Variants in PIAS3 observed in about 807,000 individuals in gnomAD.
PIAS3 encodes E3 SUMO-protein ligase PIAS3.
Under a neutral mutation model 67.6 loss-of-function variants are expected in PIAS3, and 34 were observed. That is an observed-to-expected ratio of 0.50 (90% CI 0.38 to 0.67). The LOEUF (loss-of-function observed/expected upper bound fraction) is 0.67, where lower values mean the gene tolerates loss of function less well. Ranked by LOEUF, PIAS3 falls within the 30% of genes least tolerant of loss-of-function variation. The pLI, the probability that PIAS3 is intolerant of heterozygous loss-of-function variation, is 0.00. For synonymous variants in PIAS3, 341 were observed against 313.8 expected (o/e 1.09, Z -0.92); for missense variants, 693 against 791.6 (o/e 0.88, Z 1.49).
At chr1:145,851,936 G>T (rs1185660468) in intron 9 of PIAS3, among the ~76,000 whole-genome samples, 2 of 150,656 alleles carry the variant, frequency 1.3e-5, no homozygotes, top group Non-Finnish European at 2.9e-5. Flanking sequence ...CTCCAGCCTG[G>T]GTGACAGAGT....
intron 13 of PIAS3, 182 bp downstream of exon 13, chr1:145,850,050 C>T: frequency 1.4e-6 from 2 of 1,454,088 alleles, no homozygotes; most frequent in South Asian, 1.5e-5. Context: ...AGGAAGGAGG[C>T]CTAAGTAGGA....
chr1:145,856,277 A>G lies in PIAS3; in HGVS notation c.527+70T>C, dbSNP rs74119696. 0.016 allele frequency: 21,670 copies of G among 1,355,148 alleles called. 1,522 individuals are homozygous for G. The African/African-American group carries it at 0.2, about 12-fold the overall frequency. 83.9% of individuals were successfully genotyped at this position (1,355,148 alleles called of 1,614,324 possible). A position where few individuals can be genotyped will look rare whatever the true frequency, so the allele number is the denominator to read the frequency against. On this transcript the variant is annotated intron_variant, in intron 3 of 13. Transcript: ENST00000393045. ...TATAGGAGGAGGGATAGGGAAGAGC[A>G]CAGGGCAGAAGAGAAGAAAGTCAGA...
Position 145,849,482 on chromosome 1 carries a change from CAA to C in PIAS3, c.1849_1850del (p.Leu617AspfsTer26). On this transcript the variant is annotated frameshift_variant, in exon 14 of 14. Transcript: ENST00000393045. LOFTEE classifies it high-confidence loss of function. ...AAATGATGTCTGACCGACAGCCAGT[CAA>C]AGAGGGACCTGAGGGCAGGGGTCCT... is the stretch of plus-strand genomic sequence containing the variant. ...HGGPLPSGPS[L>X]TGCRSDIISL... The C allele has an allele frequency of 6.6e-7, 1 of 1,520,124 alleles. No individual in the cohort carries two copies. The highest frequency in any genetic ancestry group is 8.8e-7 in the Non-Finnish European group (1 of 1,138,776). 94.2% of individuals were successfully genotyped at this position (1,520,124 alleles called of 1,614,324 possible). A position where few individuals can be genotyped will look rare whatever the true frequency, so the allele number is the denominator to read the frequency against.
intron 1 of PIAS3, among the ~76,000 whole-genome samples, chr1:145,858,381 C>T (rs1371662890): frequency 6.6e-6 from 1 of 152,088 alleles, no homozygotes; most frequent in Admixed American, 6.5e-5. Flanking sequence ...CGATTCACTA[C>T]GGCAGGACCT....
In PIAS3 at chr1:145,856,965, A is replaced by G; in HGVS notation, c.66T>C (p.Leu22=). 6.2e-7 allele frequency: 1 copy of G among 1,614,092 alleles called. No individual in the cohort carries two copies. The highest frequency in any genetic ancestry group is 8.5e-7 in the Non-Finnish European group (1 of 1,179,998). The part of the protein sequence containing the change: ...MSFRVSELQV[L]LGFAGRNKSG... The stretch of plus-strand genomic sequence containing the variant: ...TCTTGTTCCGGCCAGCAAAGCCAAG[A>G]AGCACCTGGAGCTCAGACACCCGGA... The change falls in exon 2 of 14, where the codon CTT becomes CTC. Residue 22 remains leucine (L), a synonymous_variant. Coordinates refer to ENST00000393045, the MANE Select transcript of PIAS3 (RefSeq NM_006099.3).
chr1:145,853,894 A>T lies in PIAS3; in HGVS notation c.911-8T>A. 6.2e-7 allele frequency: 1 copy of T among 1,613,428 alleles called. No individual in the cohort carries two copies. ...CAGTCAATTTCTCCTTGACTGAAACAAAAGTGAGGCCAGAGCCATGGGGTC... is the reference window on the plus strand; with the variant it reads ...CAGTCAATTTCTCCTTGACTGAAACTAAAGTGAGGCCAGAGCCATGGGGTC... On this transcript the variant is annotated splice_region_variant and splice_polypyrimidine_tract_variant and intron_variant, in intron 7 of 13. Coordinates refer to ENST00000393045, the MANE Select transcript of PIAS3 (RefSeq NM_006099.3).
At chr1:145,850,208 C>A (rs1553733822) in intron 13 of PIAS3, 24 bp downstream of exon 13, 8 of 1,613,908 alleles carry the variant, frequency 5.0e-6, no homozygotes, top group Non-Finnish European at 6.8e-6. Flanking sequence ...AGATCTGAGA[C>A]CTTCTGAAGA....
At position 145,857,083 on chromosome 1, in the gene PIAS3, A is replaced by C. The variant is rs139610738; in HGVS notation, c.25-77T>G. ...CTGCCAAGACATGGGCTGAGCTACC[A>C]GGTGGGCAGTGCCTTTCTCTCCAGC... On this transcript the variant is annotated intron_variant, in intron 1 of 13. Coordinates refer to ENST00000393045, the MANE Select transcript of PIAS3 (RefSeq NM_006099.3). The C allele has an allele frequency of 3.0e-3, 4,015 of 1,321,776 alleles. 72 individuals are homozygous for C. Among genetic ancestry groups the C allele is most frequent in the South Asian group, 0.03 (2,307 of 77,402 alleles). The allele number at this position is 1,321,776 out of a possible 1,614,324, so 81.9% of individuals were successfully genotyped here.
At chr1:145,854,723 G>T in intron 6 of PIAS3, 23 bp downstream of exon 6, 4 of 1,614,044 alleles carry the variant, frequency 2.5e-6, no homozygotes, top group Non-Finnish European at 2.5e-6. Context: ...GCTTTTCCAG[G>T]CACCTGCTTT....
Position 145,851,116 on chromosome 1 carries a change from C to T in PIAS3, c.1183G>A (p.Asp395Asn). The change falls in exon 10 of 14, where the codon GAT (aspartate) becomes AAT (asparagine). Residue 395 changes from aspartate (D) to asparagine (N), a missense_variant. Asp to Asn is a conservative substitution (Grantham distance 23). Around this residue, in one of 3 missense-constraint regions of PIAS3, gnomAD observed 115 missense variants for 181.8 expected, o/e 0.63. Transcript: ENST00000393045. ...MEILSSCSDC[D>N]EIQFMEDGSW... ...CCATCTTCCATGAATTGGATCTCAT[C>T]ACAATCTGAACAGGAACTAAGAATC... The T allele has an allele frequency of 6.2e-7, 1 of 1,614,072 alleles. No individual in the cohort carries two copies.
intron 1 of PIAS3, among the ~76,000 whole-genome samples, chr1:145,858,584 A>C (rs1653287204): frequency 6.7e-6 from 1 of 148,532 alleles, no homozygotes; most frequent in South Asian, 2.1e-4. Flanking sequence ...CCATCCCTGC[A>C]TGTGCCCCCT....
At chr1:145,857,780 C>A (rs1653251170) in intron 1 of PIAS3, among the ~76,000 whole-genome samples, 1 of 152,182 alleles carries the variant, frequency 6.6e-6, no homozygotes, top group African/African-American at 2.4e-5. Flanking sequence ...CTCTATCTGC[C>A]AGGAACCATA....
chr1:145,856,312 C>G, intron 3 of PIAS3, 35 bp downstream of exon 3: 1 of 1,553,134 alleles, frequency 6.4e-7, no homozygotes, highest in Non-Finnish European at 8.9e-7. Flanking sequence ...AAAGCAGAGA[C>G]CAGGGATGAG....
rs371026038 is a variant in PIAS3 at position 145,857,228 on chromosome 1, C to A, written c.25-222G>T. The A allele has an allele frequency of 1.6e-5, 9 of 571,246 alleles. No homozygotes were observed. In the East Asian group the frequency reaches 2.6e-4, roughly 17 times the overall value. 35.4% of individuals were successfully genotyped at this position (571,246 alleles called of 1,614,324 possible). A position where few individuals can be genotyped will look rare whatever the true frequency, so the allele number is the denominator to read the frequency against. On this transcript the variant is annotated intron_variant, in intron 1 of 13. Coordinates refer to ENST00000393045, the MANE Select transcript of PIAS3 (RefSeq NM_006099.3). ...AGGTCAGCATCATCACCACCACCCC[C>A]GAGCTTGAGCAACACTATTTCCCCA...
intron 7 of PIAS3, chr1:145,854,165 A>C: frequency 1.7e-6 from 1 of 594,664 alleles, no homozygotes; most frequent in African/African-American, 1.9e-5. Context: ...GTTAGATTAG[A>C]GGACCCCTAA....
At chr1:145,858,563 G>A (rs1442175460) in intron 1 of PIAS3, among the ~76,000 whole-genome samples, 46 of 149,454 alleles carry the variant, frequency 3.1e-4, no homozygotes, top group South Asian at 4.2e-4. Flanking sequence ...CCCTACGTCT[G>A]CCCCGCGGTC....
intron 3 of PIAS3, 98 bp from the exon 4 acceptor site, chr1:145,856,216 G>C (rs1023936904): frequency 1.2e-5 from 15 of 1,280,168 alleles, no homozygotes; most frequent in Non-Finnish European, 1.5e-5. Flanking sequence ...CCAGGAGATA[G>C]AGAAGAGACA....
intron 7 of PIAS3, chr1:145,854,169 C>T (rs1334593026): frequency 1.7e-6 from 1 of 593,698 alleles, no homozygotes; most frequent in Non-Finnish European, 3.0e-6. Context: ...GATTAGAGGA[C>T]CCCTAAGATT....
Position 145,850,884 on chromosome 1 carries a change from G to C in PIAS3, c.1335C>G (p.Val445=), listed in dbSNP as rs781828952. ...GGDPSENKKK[V]EVIDLTIESS... Reference sequence around the variant, plus strand: ...TTTCTATTGTCAAGTCAATAACTTCGACCTTCTTCTTATTCTCTGATGGAT... The same window carrying C: ...TTTCTATTGTCAAGTCAATAACTTCCACCTTCTTCTTATTCTCTGATGGAT... Residue 445 remains valine, a synonymous_variant, in exon 11 of 14, where the codon GTC becomes GTG. Transcript: ENST00000393045. 8 of 1,613,994 alleles carry C rather than the reference G, an allele frequency of 5.0e-6. No individual in the cohort carries two copies. In the Admixed American group the frequency reaches 1.2e-4, roughly 24 times the overall value.
Sources: allele counts gnomAD v4.1 joint callset (sites outside exome capture counted in the v4.1 genomes callset), GRCh38; gene constraint gnomAD v4.1.1; regional missense constraint gnomAD v4.1.1; transcripts MANE v1.5; gene names NCBI Gene and HGNC (gene_info 2026-07-23, HGNC 2026-07-21).